PRSS23: variants seen among roughly 807,000 people sequenced by gnomAD.
PRSS23 encodes serine protease 23.
Under a neutral mutation model 34.7 loss-of-function variants are expected in PRSS23, and 25 were observed. The observed-to-expected ratio is 0.72, with a 90% CI of 0.53 to 1.01. The LOEUF (loss-of-function observed/expected upper bound fraction) is 1.01. Ranked by LOEUF, PRSS23 falls within the 50% of genes least tolerant of loss-of-function variation. PRSS23 has a pLI of 0.00. For missense variants in PRSS23, 445 were observed against 475.6 expected (o/e 0.94, Z 0.60); for synonymous variants, 176 against 186.6 (o/e 0.94, Z 0.46).
rs945324550 is a variant in PRSS23, at chr11:86,899,996, C to T, written c.207-51220C>T. On this transcript the variant is annotated intron_variant, in intron 2 of 2. Coordinates refer to the PRSS23 transcript ENST00000533902. Reference sequence around the variant, plus strand: ...AAAGGCAAATCTGATAACCAAAGAACGCATGGTCTATGATGGAGGGAAGTA... The same window carrying T: ...AAAGGCAAATCTGATAACCAAAGAATGCATGGTCTATGATGGAGGGAAGTA... Among the ~76,000 whole-genome samples, 4 of 151,854 alleles carry T rather than the reference C, an allele frequency of 2.6e-5. No homozygotes were observed. In the East Asian group the frequency reaches 7.7e-4, roughly 29 times the overall value.
At chr11:86,884,992 C>A (rs1445871928) in intron 2 of PRSS23, among the ~76,000 whole-genome samples, 1 of 152,200 alleles carries the variant, frequency 6.6e-6, no homozygotes, top group Non-Finnish European at 1.5e-5. Flanking sequence ...TCTCTGTCTT[C>A]AGTAAAGCAA....
intron 2 of PRSS23, among the ~76,000 whole-genome samples, chr11:86,879,540 G>C (rs1233327356): frequency 2.9e-5 from 4 of 138,624 alleles, no homozygotes; most frequent in Non-Finnish European, 4.8e-5. Flanking sequence ...CCGTCCGGGA[G>C]GGAGGTGGGG....
At chr11:86,881,441 T>A (rs1296384605) in intron 2 of PRSS23, among the ~76,000 whole-genome samples, 1 of 152,142 alleles carries the variant, frequency 6.6e-6, no homozygotes, top group Non-Finnish European at 1.5e-5. Context: ...ATTCCTGAGA[T>A]AACTCCCACT....
intron 2 of PRSS23, among the ~76,000 whole-genome samples, chr11:86,853,242 C>CTT (rs561682096): frequency 0.012 from 563 of 47,792 alleles, 166 homozygotes; most frequent in Non-Finnish European, 0.016. Context: ...AAGTGCCTGC[C>CTT]TTTTTTTTTT....
At chr11:86,820,280 A>G (rs1348121589) in intron 1 of PRSS23, among the ~76,000 whole-genome samples, 2 of 152,216 alleles carry the variant, frequency 1.3e-5, no homozygotes, top group Middle Eastern at 3.2e-3. Context: ...ATGCAAATAC[A>G]TTTTCTTGTA....
At chr11:86,902,142 A>G (rs1222315899) in intron 2 of PRSS23, among the ~76,000 whole-genome samples, 1 of 152,128 alleles carries the variant, frequency 6.6e-6, no homozygotes, top group African/African-American at 2.4e-5. Flanking sequence ...GTTTTCTTTC[A>G]CTGAAATAAA....
chr11:86,888,108 G>C, intron 2 of PRSS23, among the ~76,000 whole-genome samples: 1 of 124,396 alleles, frequency 8.0e-6, no homozygotes, highest in African/African-American at 3.1e-5. Context: ...GCATCAAGTT[G>C]GTTTTTTTTA....
intron 1 of PRSS23, 40 bp downstream of exon 1, chr11:86,800,691 G>A: frequency 2.1e-6 from 2 of 967,910 alleles, no homozygotes; most frequent in Non-Finnish European, 1.2e-6. Flanking sequence ...CCCGGGCGCG[G>A]GAGAGGCGAG....
intron 2 of PRSS23, among the ~76,000 whole-genome samples, chr11:86,833,914 G>A (rs1271021090): frequency 6.6e-6 from 1 of 152,142 alleles, no homozygotes; most frequent in Non-Finnish European, 1.5e-5. Flanking sequence ...TTGTGCAGTT[G>A]AGATTTCCTC....
intron 2 of PRSS23, among the ~76,000 whole-genome samples, chr11:86,824,961 G>A (rs1224667971): frequency 6.6e-6 from 1 of 152,092 alleles, no homozygotes; most frequent in African/African-American, 2.4e-5. Context: ...TGTCTTTATA[G>A]CAGCATGATT....
downstream of PRSS23, among the ~76,000 whole-genome samples, chr11:86,811,712 A>T (rs1948179705): frequency 6.6e-6 from 1 of 151,936 alleles, no homozygotes; most frequent in African/African-American, 2.4e-5. Flanking sequence ...GCTTGGGGAG[A>T]TGGGAAGTAC....
rs373656233 is a variant in PRSS23, at chr11:86,792,666, G to A, written c.-14+1471G>A. ...ATGAGAAAGTTACAGAAAGTGTTAT[G>A]GGAAATCAAAGGCCAACAAAAATAC... On this transcript the variant is annotated intron_variant, in intron 1 of 1. Coordinates refer to the PRSS23 transcript ENST00000527521. Among the ~76,000 whole-genome samples, 32 of 152,288 alleles carry A rather than the reference G, an allele frequency of 2.1e-4. No homozygotes were observed. In the East Asian group the frequency reaches 3.9e-3, roughly 18 times the overall value.
At chr11:86,838,755 C>T (rs1446398594) in intron 2 of PRSS23, among the ~76,000 whole-genome samples, 1 of 152,178 alleles carries the variant, frequency 6.6e-6, no homozygotes, top group Non-Finnish European at 1.5e-5. Flanking sequence ...GTGGGTGCCC[C>T]TCTCAGATGA....
chr11:86,825,563 T>C (rs61906678), intron 2 of PRSS23, among the ~76,000 whole-genome samples: 6 of 150,060 alleles, frequency 4.0e-5, no homozygotes, highest in South Asian at 4.2e-4. Flanking sequence ...CCCATGCCTA[T>C]GTCCTGAATG....
intron 2 of PRSS23, among the ~76,000 whole-genome samples, chr11:86,879,866 T>G (rs1948760589): frequency 2.1e-5 from 3 of 139,574 alleles, no homozygotes; most frequent in African/African-American, 5.4e-5. Flanking sequence ...GTCCGGGAGG[T>G]GAGGGGCGCC....
intron 2 of PRSS23, among the ~76,000 whole-genome samples, chr11:86,828,508 T>G (rs1050255922): frequency 6.6e-6 from 1 of 152,172 alleles, no homozygotes; most frequent in Non-Finnish European, 1.5e-5. Context: ...AAAGTTAATA[T>G]TGTTATGTGT....
exon 3 of PRSS23, chr11:86,951,759 G>T: frequency 6.2e-7 from 1 of 1,614,160 alleles, no homozygotes; most frequent in Non-Finnish European, 8.5e-7. Context: ...CCCCATTTGA[G>T]TCCTGCTGCC....
rs185730081 is a variant in PRSS23 at position 86,855,993 on chromosome 11, T to A, written c.206+32400T>A. ...ACCACAGTTTTTTAATTGAAACAAATTTTTTAAAAATATATATTTTAAAAA... is the reference window on the plus strand; with the variant it reads ...ACCACAGTTTTTTAATTGAAACAAAATTTTTAAAAATATATATTTTAAAAA... On this transcript the variant is annotated intron_variant, in intron 2 of 2. Coordinates refer to the PRSS23 transcript ENST00000533902. Among the ~76,000 whole-genome samples the A allele has an allele frequency of 1.3e-4, 20 of 152,288 alleles. No individual in the cohort carries two copies. The South Asian group carries it at 1.9e-3, about 14-fold the overall frequency.
rs770324368 is a variant in PRSS23, at chr11:86,808,782, G to A, written c.1139G>A (p.Cys380Tyr). 1 of 1,606,876 alleles carries A rather than the reference G, an allele frequency of 6.2e-7. No homozygotes were observed. Among genetic ancestry groups the A allele is most frequent in the Non-Finnish European group, 8.5e-7 (1 of 1,175,318 alleles). ...CYWIKGNYLD[C>Y]REG is the part of the protein sequence containing the mutation. ...TGGATTAAAGGAAACTACCTGGATT[G>A]TAGGGAGGGGTGACACAGTGTTCCC... is the stretch of plus-strand genomic sequence containing the variant. The change falls in exon 2 of 2, where the codon TGT becomes TAT. Residue 380 changes from cysteine to tyrosine, a missense_variant. Transcript: ENST00000280258.
Sources: allele counts gnomAD v4.1 joint callset (sites outside exome capture counted in the v4.1 genomes callset), GRCh38; gene constraint gnomAD v4.1.1; transcripts MANE v1.5; gene names NCBI Gene and HGNC (gene_info 2026-07-23, HGNC 2026-07-21).